Variants in EPHA6 observed in about 807,000 individuals in gnomAD.
EPHA6 encodes EPH receptor A6.
Under a neutral mutation model 112.0 loss-of-function variants are expected in EPHA6, and 50 were observed. The ratio of observed to expected loss-of-function variants is 0.45; its 90% CI spans 0.36 to 0.56. EPHA6 has a LOEUF of 0.56. Ranked by LOEUF, EPHA6 falls within the 20% of genes least tolerant of loss-of-function variation. EPHA6 has a pLI of 0.00. For missense variants in EPHA6, 1,280 were observed against 1,417.4 expected (o/e 0.90, Z 1.56); for synonymous variants, 529 against 490.7 (o/e 1.08, Z -1.03).
intron 3 of EPHA6, among the ~76,000 whole-genome samples, chr3:97,145,980 G>A (rs2133883): frequency 0.31 from 47,150 of 151,238 alleles, 12,971 homozygotes; most frequent in African/African-American, 0.73. Flanking sequence ...CCATTCTCAT[G>A]TATTAGCAAA....
At chr3:97,443,512 T>A (rs538378562) in intron 6 of EPHA6, among the ~76,000 whole-genome samples, 1 of 152,246 alleles carries the variant, frequency 6.6e-6, no homozygotes, top group South Asian at 2.1e-4. Flanking sequence ...AAGAGTCTCC[T>A]GGACTTTATT....
intron 4 of EPHA6, among the ~76,000 whole-genome samples, chr3:97,231,793 A>G (rs1413579721): frequency 6.6e-6 from 1 of 152,188 alleles, no homozygotes; most frequent in East Asian, 1.9e-4. Flanking sequence ...CTGCCCTCAG[A>G]AGAATAGATG....
intron 7 of EPHA6, among the ~76,000 whole-genome samples, chr3:97,460,132 C>T (rs1218293253): frequency 1.3e-5 from 2 of 152,230 alleles, no homozygotes; most frequent in Non-Finnish European, 2.9e-5. Flanking sequence ...GGCTCAGTAA[C>T]ATAGAGGTAC....
intron 5 of EPHA6, among the ~76,000 whole-genome samples, chr3:97,336,280 A>G (rs999695656): frequency 1.3e-5 from 2 of 152,224 alleles, no homozygotes; most frequent in Non-Finnish European, 2.9e-5. Context: ...GCCTATGCCT[A>G]GGAAAGAACA....
chr3:97,241,516 G>A (rs2078844592), intron 4 of EPHA6, among the ~76,000 whole-genome samples: 1 of 151,634 alleles, frequency 6.6e-6, no homozygotes, highest in Admixed American at 6.6e-5. Context: ...AAAGCAATCA[G>A]GCCACATTCA....
At chr3:97,323,668 A>C (rs893480707) in intron 5 of EPHA6, among the ~76,000 whole-genome samples, 1 of 151,994 alleles carries the variant, frequency 6.6e-6, no homozygotes, top group African/African-American at 2.4e-5. Context: ...TCCTCACATA[A>C]AAAAATTTGA....
intron 3 of EPHA6, among the ~76,000 whole-genome samples, chr3:97,014,597 G>A (rs771635575): frequency 4.6e-5 from 7 of 152,134 alleles, no homozygotes; most frequent in African/African-American, 7.2e-5. Context: ...AAAGGACTGC[G>A]ATGTTGAAAC....
intron 6 of EPHA6, among the ~76,000 whole-genome samples, chr3:97,445,672 A>G (rs780786002): frequency 4.6e-5 from 7 of 152,022 alleles, no homozygotes; most frequent in Middle Eastern, 3.2e-3. Flanking sequence ...AAGAAAATTT[A>G]TAGTAAGAAC....
intron 2 of EPHA6, among the ~76,000 whole-genome samples, chr3:96,951,397 T>A (rs974861359): frequency 3.3e-5 from 5 of 152,166 alleles, no homozygotes; most frequent in African/African-American, 1.2e-4. Flanking sequence ...ACTCAGTTAT[T>A]ATTGCCTCCT....
rs373464144 is a variant in EPHA6, at chr3:97,735,937, A to G, written c.2947A>G (p.Ile983Val). The change falls in exon 16 of 18, where the codon ATT becomes GTT. Residue 983 changes from isoleucine (I) to valine (V), a missense_variant. This residue lies in a region of EPHA6 where 37 missense variants were observed against 92.9 expected (regional missense o/e 0.40). Coordinates refer to ENST00000389672, the MANE Select transcript of EPHA6 (RefSeq NM_001080448.3). ...TGTTTGCATTTAGGTCATTCTGTCC[A>G]TTGAAGAAGGGTACAGACTTCCAGC... Reference protein sequence around the residue: ...EMSNQDVILSIEEGYRLPAPM... With the variant: ...EMSNQDVILSVEEGYRLPAPM... The G allele has an allele frequency of 6.2e-6, 10 of 1,607,672 alleles. No homozygotes were observed. The highest frequency in any genetic ancestry group is 8.5e-6 in the Non-Finnish European group (10 of 1,176,096).
At chr3:96,939,837 T>C (rs551191795) in intron 2 of EPHA6, among the ~76,000 whole-genome samples, 1 of 152,348 alleles carries the variant, frequency 6.6e-6, no homozygotes, top group African/African-American at 2.4e-5. Context: ...AACATCTTTA[T>C]TTCTGCCTTC....
At chr3:97,717,231 C>CA (rs748817650) in intron 14 of EPHA6, among the ~76,000 whole-genome samples, 4,860 of 48,224 alleles carry the variant, frequency 0.1, 393 homozygotes, top group African/African-American at 0.24. Context: ...AACTCCATCT[C>CA]AAAAAAAAAA....
At chr3:97,250,544 C>T (rs191572439) in intron 5 of EPHA6, among the ~76,000 whole-genome samples, 26 of 152,222 alleles carry the variant, frequency 1.7e-4, no homozygotes, top group Middle Eastern at 3.4e-3. Context: ...AATAGTCATA[C>T]GATTCTTTAG....
In EPHA6 at chr3:97,758,998, A is replaced by G. The variant is rs1576411699; in HGVS notation, c.*10297A>G. On this transcript the variant is annotated 3_prime_UTR_variant, in exon 18 of 18. Transcript: ENST00000389672. ...TGGAAGGCATCAGTATATATATGCT[A>G]TTTAAAGTTTGGAAATCACCTAGGA... 2.0e-5 allele frequency among the ~76,000 whole-genome samples: 3 copies of G among 152,020 alleles called. No homozygotes were observed.
At chr3:97,221,999 G>T (rs1045188474) in intron 3 of EPHA6, among the ~76,000 whole-genome samples, 18 of 150,044 alleles carry the variant, frequency 1.2e-4, no homozygotes, top group African/African-American at 4.4e-4. Flanking sequence ...CTGCACTCCA[G>T]CCTGGACAAC....
chr3:96,982,867 G>A (rs1179570901), intron 2 of EPHA6, among the ~76,000 whole-genome samples: 2 of 152,082 alleles, frequency 1.3e-5, no homozygotes, highest in African/African-American at 4.8e-5. Context: ...TCAGAGACTA[G>A]GATTGCAACC....
intron 6 of EPHA6, among the ~76,000 whole-genome samples, chr3:97,422,933 G>T (rs1389274728): frequency 6.6e-6 from 1 of 152,106 alleles, no homozygotes; most frequent in Non-Finnish European, 1.5e-5. Flanking sequence ...TGCAGAAAAG[G>T]CTTTCAGTAA....
chr3:96,896,204 T>G (rs576925138), intron 2 of EPHA6, among the ~76,000 whole-genome samples: 1 of 152,270 alleles, frequency 6.6e-6, no homozygotes, highest in South Asian at 2.1e-4. Context: ...ATCAATGAGG[T>G]TTTCCTTTCA....
chr3:97,565,134 C>T (rs2093244899), intron 11 of EPHA6, among the ~76,000 whole-genome samples: 1 of 151,962 alleles, frequency 6.6e-6, no homozygotes, highest in African/African-American at 2.4e-5. Context: ...GTTTCACAAG[C>T]ACAGAAAGAA....
Sources: gnomAD v4.1 joint callset for allele counts (sites outside exome capture counted in the v4.1 genomes callset) on GRCh38, gnomAD v4.1.1 for gene constraint, gnomAD v4.1.1 regional missense constraint, MANE v1.5 for transcripts, NCBI Gene and HGNC (gene_info 2026-07-23, HGNC 2026-07-21) for gene names.